The following PLXDC2 variants were observed in gnomAD, a reference collection of about 807,000 sequenced individuals.
The protein encoded by PLXDC2 is plexin domain-containing protein 2.
Under a neutral mutation model 68.9 loss-of-function variants are expected in PLXDC2, and 40 were observed. That is an observed-to-expected ratio of 0.58 (90% CI 0.45 to 0.76). The LOEUF (loss-of-function observed/expected upper bound fraction) is 0.76, where lower values mean the gene tolerates loss of function less well. Among genes scored for constraint, PLXDC2 ranks in the 30% least tolerant of loss-of-function variants. The pLI, the probability that PLXDC2 is intolerant of heterozygous loss-of-function variation, is 0.00. For synonymous variants in PLXDC2, 243 were observed against 234.2 expected (o/e 1.04, Z -0.34); for missense variants, 644 against 661.9 (o/e 0.97, Z 0.30).
rs376739772 is a variant in PLXDC2, at chr10:20,121,181, A to G, written c.542-22114A>G. Among the ~76,000 whole-genome samples the G allele has an allele frequency of 3.9e-4, 59 of 152,316 alleles. 2 individuals carry two copies. In the South Asian group the frequency reaches 5.0e-3, roughly 13 times the overall value. On this transcript the variant is annotated intron_variant, in intron 4 of 13. Coordinates refer to ENST00000377252, the MANE Select transcript of PLXDC2 (RefSeq NM_032812.9). ...AAATAGATTTTGGAAGTTATGAGAC[A>G]TGTAGAGAGTAAGTTGAGCATAGTT...
intron 1 of PLXDC2, among the ~76,000 whole-genome samples, chr10:19,910,591 CTTTTT>C (rs1006322581): frequency 4.6e-4 from 43 of 92,554 alleles, no homozygotes; most frequent in African/African-American, 1.7e-3. Flanking sequence ...TAAGTGGTTG[CTTTTT>C]TTTTTTTTTT....
chr10:20,252,100 C>T (rs1008000473), intron 13 of PLXDC2, among the ~76,000 whole-genome samples: 8 of 152,164 alleles, frequency 5.3e-5, no homozygotes, highest in African/African-American at 1.9e-4. Flanking sequence ...CCTTGTATTT[C>T]AGGAGGGGAC....
At chr10:20,073,019 G>A (rs1836363473) in intron 4 of PLXDC2, among the ~76,000 whole-genome samples, 1 of 152,156 alleles carries the variant, frequency 6.6e-6, no homozygotes, top group South Asian at 2.1e-4. Flanking sequence ...GAAACCACAA[G>A]TCAGGTTAAA....
intron 1 of PLXDC2, among the ~76,000 whole-genome samples, chr10:19,961,383 T>C (rs1335321767): frequency 6.6e-6 from 1 of 152,244 alleles, no homozygotes; most frequent in African/African-American, 2.4e-5. Flanking sequence ...TGAGTATGTG[T>C]AACTTGAAAA....
intron 1 of PLXDC2, among the ~76,000 whole-genome samples, chr10:19,907,725 G>T (rs903989064): frequency 6.6e-6 from 1 of 152,144 alleles, no homozygotes; most frequent in Non-Finnish European, 1.5e-5. Context: ...TGCTTTTCTT[G>T]TACATCACTT....
At chr10:20,018,055 G>A (rs548521074) in intron 2 of PLXDC2, among the ~76,000 whole-genome samples, 4 of 152,258 alleles carry the variant, frequency 2.6e-5, no homozygotes, top group African/African-American at 7.2e-5. Flanking sequence ...AGAGACATCC[G>A]AACGCTTACA....
At chr10:19,872,043 A>G (rs926810372) in intron 1 of PLXDC2, among the ~76,000 whole-genome samples, 7 of 152,178 alleles carry the variant, frequency 4.6e-5, no homozygotes, top group Non-Finnish European at 1.0e-4. Flanking sequence ...ATAAGTCATT[A>G]TTGAATGAAT....
At chr10:19,887,645 T>C (rs1445934988) in intron 1 of PLXDC2, among the ~76,000 whole-genome samples, 1 of 152,220 alleles carries the variant, frequency 6.6e-6, no homozygotes. Context: ...GCATGCATGT[T>C]CACAAGTGTA....
At chr10:19,870,179 T>A (rs2131342119) in intron 1 of PLXDC2, among the ~76,000 whole-genome samples, 1 of 152,220 alleles carries the variant, frequency 6.6e-6, no homozygotes, top group Non-Finnish European at 1.5e-5. Flanking sequence ...GAAGAGATAC[T>A]GCAGCGTAAA....
chr10:20,239,639 C>T (rs1835488728), intron 12 of PLXDC2, among the ~76,000 whole-genome samples: 1 of 152,114 alleles, frequency 6.6e-6, no homozygotes, highest in Admixed American at 6.6e-5. Flanking sequence ...GTGGGGATTA[C>T]AATTCAAGAA....
rs1399263507 is a variant in PLXDC2, at chr10:20,288,247, A to C, written c.*8428A>C. ...TTGGAAAGCCCTGTGTGCCAAACCA[A>C]GGACGTGTCTTTCAGGGAAAGGTTA... On this transcript the variant is annotated 3_prime_UTR_variant, in exon 14 of 14. Transcript: ENST00000377252. 2 of 152,166 alleles carry C rather than the reference A, an allele frequency of 1.3e-5. No homozygotes were observed. The highest frequency in any genetic ancestry group is 4.8e-5 in the African/African-American group (2 of 41,426). 9.4% of individuals were successfully genotyped at this position (152,166 alleles called of 1,614,324 possible).
intron 1 of PLXDC2, among the ~76,000 whole-genome samples, chr10:19,987,056 A>G (rs1834653484): frequency 6.6e-6 from 1 of 152,208 alleles, no homozygotes; most frequent in African/African-American, 2.4e-5. Flanking sequence ...TTTCTCAAGT[A>G]CTACCACTGT....
intron 3 of PLXDC2, among the ~76,000 whole-genome samples, chr10:20,051,264 A>G (rs533559142): frequency 8.6e-4 from 131 of 151,956 alleles, no homozygotes; most frequent in African/African-American, 3.1e-3. Context: ...GCAGAGGAGC[A>G]GAAAAGGTAA....
At chr10:20,096,196 A>G (rs1833347043) in intron 4 of PLXDC2, among the ~76,000 whole-genome samples, 1 of 152,120 alleles carries the variant, frequency 6.6e-6, no homozygotes, top group African/African-American at 2.4e-5. Flanking sequence ...TTCTTGTCCT[A>G]ATTAGTATCT....
At chr10:20,274,868 CAAA>C (rs58738641) in intron 13 of PLXDC2, among the ~76,000 whole-genome samples, 1 of 109,540 alleles carries the variant, frequency 9.1e-6, no homozygotes, top group Non-Finnish European at 2.0e-5. Flanking sequence ...ATCAGAATTT[CAAA>C]AAAAAAAAAA....
intron 6 of PLXDC2, among the ~76,000 whole-genome samples, chr10:20,163,683 A>G (rs1834336268): frequency 6.6e-6 from 1 of 152,158 alleles, no homozygotes. Flanking sequence ...TAAAGAGAGT[A>G]ATCATATCTC....
chr10:19,823,677 A>G (rs1309464672), intron 1 of PLXDC2, among the ~76,000 whole-genome samples: 1 of 152,024 alleles, frequency 6.6e-6, no homozygotes, highest in Admixed American at 6.6e-5. Flanking sequence ...TCTCAAAAAA[A>G]AAAAAATTCT....
chr10:20,077,431 C>CTGAG (rs1196584681), intron 4 of PLXDC2, among the ~76,000 whole-genome samples: 1 of 152,104 alleles, frequency 6.6e-6, no homozygotes, highest in African/African-American at 2.4e-5. Context: ...AGCTCTGGAA[C>CTGAG]TGAGACATAG....
chr10:20,071,370 C>T (rs1056162266), intron 4 of PLXDC2: 2 of 152,160 alleles, frequency 1.3e-5, no homozygotes, highest in East Asian at 3.9e-4. Flanking sequence ...TGTCCCCAAT[C>T]AAATCTCATC....
Sources: gnomAD v4.1 joint callset for allele counts (sites outside exome capture counted in the v4.1 genomes callset) on GRCh38, gnomAD v4.1.1 for gene constraint, MANE v1.5 for transcripts, NCBI Gene and HGNC (gene_info 2026-07-23, HGNC 2026-07-21) for gene names.